The following MAST2 variants were observed in gnomAD, a reference collection of about 807,000 sequenced individuals.
The protein encoded by MAST2 is microtubule associated serine/threonine kinase 2, also known as microtubule-associated serine/threonine-protein kinase 2.
A neutral mutation model predicts 147.4 loss-of-function variants in MAST2; 70 were observed. That is an observed-to-expected ratio of 0.47 (90% CI 0.39 to 0.58). The LOEUF is 0.58. MAST2 is among the 20% of genes least tolerant of loss of function. The pLI is 0.00. For missense variants in MAST2, 2,080 were observed against 2,302.3 expected (o/e 0.90, Z 1.98); for synonymous variants, 869 against 896.8 (o/e 0.97, Z 0.55).
At chr1:46,008,585 C>A (rs1395241682) in intron 9 of MAST2, among the ~76,000 whole-genome samples, 1 of 152,230 alleles carries the variant, frequency 6.6e-6, no homozygotes. Flanking sequence ...AGTTTGGGAA[C>A]TGTATTTGCA....
At chr1:45,847,594 T>C (rs1363177816) in intron 3 of MAST2, 6 of 819,386 alleles carry the variant, frequency 7.3e-6, no homozygotes. Context: ...TTTTTCCCTT[T>C]GGTGCTTTAG....
chr1:45,813,325 A>G (rs114922447), intron 1 of MAST2, among the ~76,000 whole-genome samples: 6,136 of 151,750 alleles, frequency 0.04, 191 homozygotes, highest in Non-Finnish European at 0.062. Context: ...TAAGATTATT[A>G]TTATTATTAT....
At chr1:46,033,626 T>C (rs888497031) in intron 26 of MAST2, among the ~76,000 whole-genome samples, 176 bp from the exon 27 acceptor site, 3 of 152,144 alleles carry the variant, frequency 2.0e-5, no homozygotes, top group African/African-American at 7.2e-5. Flanking sequence ...GGGGCTCCAA[T>C]GGGAGCCATT....
intron 5 of MAST2, among the ~76,000 whole-genome samples, chr1:45,967,158 C>T (rs1285234657): frequency 2.6e-5 from 4 of 151,898 alleles, no homozygotes; most frequent in South Asian, 2.1e-4. Context: ...ACTGCAACCT[C>T]CACCTCCCAG....
chr1:46,032,815 C>A, intron 26 of MAST2, 97 bp downstream of exon 26: 1 of 1,419,356 alleles, frequency 7.0e-7, no homozygotes. Flanking sequence ...GGTGCACACA[C>A]ATCTACACCG....
intron 3 of MAST2, among the ~76,000 whole-genome samples, chr1:45,842,131 C>A (rs1645296399): frequency 6.6e-6 from 1 of 152,050 alleles, no homozygotes; most frequent in Admixed American, 6.6e-5. Context: ...CTCAAGTGAT[C>A]CACCCGCTTT....
intron 3 of MAST2, among the ~76,000 whole-genome samples, chr1:45,873,545 T>C (rs1232122026): frequency 6.6e-6 from 1 of 152,182 alleles, no homozygotes; most frequent in Non-Finnish European, 1.5e-5. Flanking sequence ...CTTTTAAGTT[T>C]ATTTTAAAAA....
intron 4 of MAST2, chr1:45,917,440 G>A (rs1226906319): frequency 2.2e-6 from 3 of 1,366,432 alleles, no homozygotes; most frequent in Non-Finnish European, 2.9e-6. Flanking sequence ...AGTGCTGATT[G>A]TGCTTTGGCT....
intron 5 of MAST2, among the ~76,000 whole-genome samples, chr1:45,990,980 T>G (rs1644833765): frequency 6.6e-6 from 1 of 152,188 alleles, no homozygotes; most frequent in Non-Finnish European, 1.5e-5. Context: ...TTGTCCTATG[T>G]TATCATATAC....
intron 4 of MAST2, among the ~76,000 whole-genome samples, chr1:45,916,155 G>A (rs936137531): frequency 2.0e-5 from 3 of 152,124 alleles, no homozygotes; most frequent in Admixed American, 6.5e-5. Flanking sequence ...GGAAAGTGAA[G>A]ATTTCCTTTG....
chr1:45,863,441 TGTGG>T (rs1213999194), intron 3 of MAST2, among the ~76,000 whole-genome samples: 1 of 152,234 alleles, frequency 6.6e-6, no homozygotes, highest in African/African-American at 2.4e-5. Context: ...TCCGTGGAAA[TGTGG>T]ATTTATTAGC....
chr1:45,897,871 A>G lies in MAST2; in HGVS notation c.500+15476A>G, dbSNP rs143559881. Among the ~76,000 whole-genome samples the G allele has an allele frequency of 2.9e-3, 446 of 152,164 alleles. 3 individuals are homozygous for G. Among genetic ancestry groups the G allele is most frequent in the East Asian group, 0.021 (107 of 5,176 alleles). ...TGTAATCCCAGCACTTTGGGAGGCC[A>G]AGGCAGGCAGATCACCTGAGGTCAG... On this transcript the variant is annotated intron_variant, in intron 4 of 28. Transcript: ENST00000361297.
At chr1:45,865,314 A>T (rs762442085) in intron 3 of MAST2, among the ~76,000 whole-genome samples, 13 of 152,150 alleles carry the variant, frequency 8.5e-5, no homozygotes, top group Non-Finnish European at 1.8e-4. Context: ...CTTATCTAAA[A>T]TCTTGCTATT....
chr1:45,919,501 A>G (rs1242334400), intron 4 of MAST2, among the ~76,000 whole-genome samples: 1 of 152,266 alleles, frequency 6.6e-6, no homozygotes, highest in Non-Finnish European at 1.5e-5. Context: ...AACACAATGT[A>G]TCACACAGAT....
At chr1:45,811,211 G>T (rs1484903347) in intron 1 of MAST2, among the ~76,000 whole-genome samples, 1 of 150,304 alleles carries the variant, frequency 6.7e-6, no homozygotes, top group Non-Finnish European at 1.5e-5. Context: ...TTGTCTCCCA[G>T]GCTGGAGTGC....
At chr1:45,939,563 GAC>G (rs1656859113) in intron 4 of MAST2, among the ~76,000 whole-genome samples, 2 of 151,914 alleles carry the variant, frequency 1.3e-5, no homozygotes, top group African/African-American at 4.8e-5. Flanking sequence ...GGTCGCAGGG[GAC>G]AGTCTTGCTT....
chr1:46,012,883 T>C (rs959357330), intron 10 of MAST2, among the ~76,000 whole-genome samples: 1 of 151,968 alleles, frequency 6.6e-6, no homozygotes, highest in Non-Finnish European at 1.5e-5. Context: ...ACTCCTGACC[T>C]CAAGTGATCG....
At chr1:45,968,362 C>T (rs1157878343) in intron 5 of MAST2, among the ~76,000 whole-genome samples, 1 of 152,124 alleles carries the variant, frequency 6.6e-6, no homozygotes, top group Non-Finnish European at 1.5e-5. Context: ...TCTTGCAAGG[C>T]AGATCTACTG....
intron 15 of MAST2, among the ~76,000 whole-genome samples, chr1:46,025,337 A>G (rs375574873): frequency 2.0e-5 from 3 of 152,158 alleles, no homozygotes; most frequent in African/African-American, 7.2e-5. Context: ...AAATAAATAA[A>G]AATAACCATC....
Sources: allele counts gnomAD v4.1 joint callset (sites outside exome capture counted in the v4.1 genomes callset), GRCh38; gene constraint gnomAD v4.1.1; transcripts MANE v1.5; gene names NCBI Gene and HGNC (gene_info 2026-07-23, HGNC 2026-07-21).